The following CDAN1 variants were observed in gnomAD, a reference collection of about 807,000 sequenced individuals.
CDAN1 encodes codanin-1.
A neutral mutation model predicts 139.8 loss-of-function variants in CDAN1; 107 were observed. That is an observed-to-expected ratio of 0.77 (90% CI 0.65 to 0.90). CDAN1 has a LOEUF of 0.90. Ranked by LOEUF, CDAN1 falls within the 40% of genes least tolerant of loss-of-function variation. CDAN1 has a pLI of 0.00. For synonymous variants in CDAN1, 776 were observed against 660.6 expected, an observed-to-expected ratio of 1.17 and a Z score of -2.68; for missense variants, 1,667 against 1,575.7, an observed-to-expected ratio of 1.06 and a Z score of -0.98.
At position 42,723,946 on chromosome 15, in the gene CDAN1, C is replaced by A. The variant is rs1396067109; in HGVS notation, c.*545G>T. On this transcript the variant is annotated 3_prime_UTR_variant, in exon 28 of 28. Transcript: ENST00000356231. ...CTGGTCTTGAATTCCTGACCTCAGG[C>A]AGTCCGCCGACCTCAGGCCTCTCAA... 6.0e-6 allele frequency: 1 copy of A among 165,974 alleles called. No homozygotes were observed. Among genetic ancestry groups the A allele is most frequent in the Non-Finnish European group, 1.3e-5 (1 of 76,270 alleles). 10.3% of individuals were successfully genotyped at this position (165,974 alleles called of 1,614,324 possible).
rs4265781 is a variant in CDAN1 at position 42,736,551 on chromosome 15, T to C, written c.320A>G (p.Gln107Arg). Residue 107 changes from glutamine (Q) to arginine (R), a missense_variant, in exon 2 of 28, where the codon CAG (glutamine) becomes CGG (arginine). By Grantham distance (43) the Gln-to-Arg change is conservative. Coordinates refer to ENST00000356231, the MANE Select transcript of CDAN1 (RefSeq NM_138477.4). ...CAGAGGGGCCTCGGCAGCGGTGCTCTGGGCCTCGGTCGGAGGGAAAAGCTG... is the reference window on the plus strand; with the variant it reads ...CAGAGGGGCCTCGGCAGCGGTGCTCCGGGCCTCGGTCGGAGGGAAAAGCTG... ...RSQLFPPTEA[Q>R]STAAEAPLAR... 1 of 1,484,148 alleles carries C rather than the reference T, an allele frequency of 6.7e-7. No homozygotes were observed. The allele number at this position is 1,484,148 out of a possible 1,614,324, so 91.9% of individuals were successfully genotyped here.
rs1376812654 is a variant in CDAN1, at chr15:42,724,204, C to A, written c.*287G>T. On this transcript the variant is annotated 3_prime_UTR_variant, in exon 28 of 28. Coordinates refer to ENST00000356231, the MANE Select transcript of CDAN1 (RefSeq NM_138477.4). ...CTTGAATTCTGTGTTGACAAGCCCA[C>A]ACACCTCATTTCATTTAGTATCCAA... The A allele has an allele frequency of 1.8e-5, 8 of 432,754 alleles. No individual in the cohort carries two copies. In the East Asian group the frequency reaches 4.0e-4, roughly 21 times the overall value. The allele number at this position is 432,754 out of a possible 1,614,324, so 26.8% of individuals were successfully genotyped here.
At chr15:42,729,167 T>C (rs1393574925) in intron 18 of CDAN1, 41 bp from the exon 19 acceptor site, 10 of 1,613,366 alleles carry the variant, frequency 6.2e-6, no homozygotes, top group Non-Finnish European at 7.6e-6. Context: ...TCCTCCAGCC[T>C]CCCTGTCCCC....
At chr15:42,735,846 C>T (rs370729097) in intron 3 of CDAN1, 29 bp downstream of exon 3, 22 of 1,612,386 alleles carry the variant, frequency 1.4e-5, no homozygotes, top group African/African-American at 2.7e-5. Context: ...GCGAGGAAAC[C>T]GATATCCCCA....
At chr15:42,724,645 G>A (rs1282861298) in intron 27 of CDAN1, 29 bp from the exon 28 acceptor site, 1 of 1,551,082 alleles carries the variant, frequency 6.4e-7, no homozygotes, top group Non-Finnish European at 8.7e-7. Context: ...TGAGGGAAAA[G>A]GCAGCATGTA....
chr15:42,728,831 T>C (rs749638337), intron 19 of CDAN1, 21 bp from the exon 20 acceptor site: 18 of 1,614,062 alleles, frequency 1.1e-5, no homozygotes, highest in Non-Finnish European at 1.5e-5. Context: ...GACAGCAAGG[T>C]TGGGGATGGT....
rs371757369 is a variant in CDAN1 at position 42,727,688 on chromosome 15, C to T, written c.3029G>A (p.Arg1010Gln). Residue 1010 changes from arginine to glutamine, a missense_variant, in exon 23 of 28, where the codon CGG becomes CAG. By Grantham distance (43) the Arg-to-Gln change is conservative (BLOSUM62 1). Coordinates refer to ENST00000356231, the MANE Select transcript of CDAN1 (RefSeq NM_138477.4). Reference sequence around the variant, plus strand: ...CTCACAGGCGCGGGAGCAGCCCCTCCGCTCCCCCCGGGCAGCAGGTTCAGG... The same window carrying T: ...CTCACAGGCGCGGGAGCAGCCCCTCTGCTCCCCCCGGGCAGCAGGTTCAGG... Reference protein sequence around the residue: ...QGPEPAARGERRGCSRACEHH... With the variant: ...QGPEPAARGEQRGCSRACEHH... The T allele has an allele frequency of 4.0e-5, 64 of 1,585,826 alleles. 2 individuals are homozygous for T. The South Asian group carries it at 4.5e-4, about 11-fold the overall frequency.
Position 42,724,430 on chromosome 15 carries a change from C to T in CDAN1, c.*61G>A. The T allele has an allele frequency of 6.4e-7, 1 of 1,552,234 alleles. No individual in the cohort carries two copies. The highest frequency in any genetic ancestry group is 1.2e-5 in the South Asian group (1 of 84,210). The stretch of plus-strand genomic sequence containing the variant: ...GGGTCTGCATTGGGCACTTGGGCCT[C>T]CTCGTGAGGCGGGGGTCCAGGGTTC... On this transcript the variant is annotated 3_prime_UTR_variant, in exon 28 of 28. Transcript: ENST00000356231.
chr15:42,733,916 A>C, intron 8 of CDAN1, 22 bp downstream of exon 8: 1 of 1,552,800 alleles, frequency 6.4e-7, no homozygotes, highest in Non-Finnish European at 8.9e-7. Flanking sequence ...TTCCCTCCCC[A>C]AAAAGTCCCT....
chr15:42,730,240 G>A lies in CDAN1; in HGVS notation c.2175-25C>T, dbSNP rs376419259. The A allele has an allele frequency of 7.0e-5, 112 of 1,601,016 alleles. 1 individual carries two copies. The highest frequency in any genetic ancestry group is 5.6e-4 in the South Asian group (51 of 90,848). ...CCTGAAACATCAATGGGCAGTACAC[G>A]GGTTTGAGCAGAAAGGGGAAGGGAA... On this transcript the variant is annotated intron_variant, in intron 14 of 27. Transcript: ENST00000356231.
At chr15:42,736,243 A>C (rs1294459169) in intron 2 of CDAN1, 59 bp downstream of exon 2, 4 of 1,607,032 alleles carry the variant, frequency 2.5e-6, no homozygotes, top group Non-Finnish European at 3.4e-6. Flanking sequence ...CCGAGCTCGA[A>C]TGACTGACTC....
At chr15:42,734,095 ACTT>A (rs1566987639) in intron 7 of CDAN1, 48 bp from the exon 8 acceptor site, 14 of 1,595,632 alleles carry the variant, frequency 8.8e-6, no homozygotes, top group South Asian at 1.1e-5. Context: ...TGCTGAGAAA[ACTT>A]CTCCCTCTTA....
At chr15:42,726,195 G>T in intron 24 of CDAN1, 35 bp from the exon 25 acceptor site, 1 of 1,611,506 alleles carries the variant, frequency 6.2e-7, no homozygotes, top group Non-Finnish European at 8.5e-7. Flanking sequence ...AGAGACCATA[G>T]GTATCACCAT....
chr15:42,734,500 G>A (rs2061660363), intron 6 of CDAN1, among the ~76,000 whole-genome samples, 154 bp from the exon 7 acceptor site: 1 of 152,232 alleles, frequency 6.6e-6, no homozygotes, highest in South Asian at 2.1e-4. Context: ...CAAAGATAAT[G>A]AAAGTCAAGG....
At chr15:42,725,414 AG>A in intron 26 of CDAN1, 74 bp downstream of exon 26, 1 of 1,566,858 alleles carries the variant, frequency 6.4e-7, no homozygotes, top group Non-Finnish European at 8.8e-7. Context: ...GATGCAGAGC[AG>A]CTCATAGTTT....
In CDAN1 at chr15:42,728,685, G is replaced by C. The variant is rs768327667; in HGVS notation, c.2771C>G (p.Pro924Arg). ...LLEILCSQLC[P>R]HGAQALALGR... Reference sequence around the variant, plus strand: ...CAGGGCCAATGCCTGGGCCCCGTGAGGGCACAGCTGGGAACACAAGATCTC... The same window carrying C: ...CAGGGCCAATGCCTGGGCCCCGTGACGGCACAGCTGGGAACACAAGATCTC... Residue 924 changes from proline to arginine, a missense_variant, in exon 20 of 28, where the codon CCT (proline) becomes CGT (arginine). This residue lies in a region of CDAN1 where 936 missense variants were observed against 844.1 expected (regional missense o/e 1.11). Transcript: ENST00000356231. 1.8e-5 allele frequency: 29 copies of C among 1,614,080 alleles called. No individual in the cohort carries two copies. The highest frequency in any genetic ancestry group is 2.4e-5 in the Non-Finnish European group (28 of 1,180,050).
chr15:42,731,057 T>C lies in CDAN1; in HGVS notation c.1875A>G (p.Gln625=), dbSNP rs894534512. Residue 625 remains glutamine (Q), a synonymous_variant, in exon 13 of 28, where the codon CAA becomes CAG. Transcript: ENST00000356231. The part of the protein sequence containing the change: ...SDVDWQGERK[Q]FAVVLLSLRL... ...TCAGGCTAAGAAGCACCACAGCAAATTGCTTCCGCTCACCCTGCATGGAAT... is the reference window on the plus strand; with the variant it reads ...TCAGGCTAAGAAGCACCACAGCAAACTGCTTCCGCTCACCCTGCATGGAAT... The C allele has an allele frequency of 2.5e-6, 4 of 1,614,092 alleles. No individual in the cohort carries two copies. Among genetic ancestry groups the C allele is most frequent in the Non-Finnish European group, 2.5e-6 (3 of 1,179,998 alleles).
intron 16 of CDAN1, 59 bp from the exon 17 acceptor site, chr15:42,729,681 G>C: frequency 6.2e-7 from 1 of 1,604,314 alleles, no homozygotes; most frequent in Admixed American, 1.7e-5. Flanking sequence ...CCAGAAAGCA[G>C]GCAGTTGGCA....
intron 27 of CDAN1, chr15:42,724,928 T>C (rs1566977909): frequency 1.6e-6 from 1 of 637,246 alleles, no homozygotes; most frequent in East Asian, 2.7e-5. Flanking sequence ...TATAATGGGC[T>C]GTGCTGCTTT....
Sources: gnomAD v4.1 joint callset for allele counts (sites outside exome capture counted in the v4.1 genomes callset) on GRCh38, gnomAD v4.1.1 for gene constraint, gnomAD v4.1.1 regional missense constraint, MANE v1.5 for transcripts, NCBI Gene and HGNC (gene_info 2026-07-23, HGNC 2026-07-21) for gene names.